The following TMEM17 variants were observed in gnomAD, a reference collection of about 807,000 sequenced individuals.
TMEM17 encodes the protein transmembrane protein 17.
In TMEM17, 15 loss-of-function variants were observed where a neutral mutation model predicts 19.1. The observed-to-expected ratio is 0.78, with a 90% CI of 0.52 to 1.21. The LOEUF (loss-of-function observed/expected upper bound fraction) is 1.21. TMEM17 is among the 50% of genes most tolerant of loss of function. The pLI is 0.00. For synonymous variants in TMEM17, 103 were observed against 86.9 expected, an observed-to-expected ratio of 1.19 and a Z score of -1.03; for missense variants, 245 against 242.3, an observed-to-expected ratio of 1.01 and a Z score of -0.07.
At chr2:62,482,177 T>C in the TMEM17 span, among the ~76,000 whole-genome samples, 3 of 152,322 alleles carry the variant, frequency 2.0e-5, no homozygotes, top group African/African-American at 7.2e-5. Context: ...GTTTCTCTAT[T>C]GGCACAGCCT....
At chr2:62,494,339 T>G in the TMEM17 span, among the ~76,000 whole-genome samples, 4 of 152,178 alleles carry the variant, frequency 2.6e-5, no homozygotes, top group African/African-American at 9.7e-5. Context: ...GAGCAATAGT[T>G]TTTAGGATAG....
At chr2:62,492,289 G>A in the TMEM17 span, among the ~76,000 whole-genome samples, 19 of 152,164 alleles carry the variant, frequency 1.2e-4, no homozygotes, top group Non-Finnish European at 2.8e-4. Context: ...CTTCTCCTGA[G>A]TTTTAGTTTT....
the TMEM17 span, among the ~76,000 whole-genome samples, chr2:62,475,421 T>G: frequency 2.0e-3 from 299 of 152,356 alleles, no homozygotes; most frequent in African/African-American, 6.7e-3. Context: ...CGAGAGTCCC[T>G]GCCCACCCAT....
chr2:62,481,854 C>A, the TMEM17 span, among the ~76,000 whole-genome samples: 1 of 151,932 alleles, frequency 6.6e-6, no homozygotes, highest in Non-Finnish European at 1.5e-5. Flanking sequence ...TTGGCAAGTG[C>A]AGGTGAGAAA....
At chr2:62,503,549 TTTC>T (rs2103733304) in intron 1 of TMEM17, among the ~76,000 whole-genome samples, 1 of 152,380 alleles carries the variant, frequency 6.6e-6, no homozygotes, top group East Asian at 1.9e-4. Flanking sequence ...TGAGCTTCTA[TTTC>T]TTCATCTGTA....
chr2:62,485,610 A>G, the TMEM17 span, among the ~76,000 whole-genome samples: 1 of 152,216 alleles, frequency 6.6e-6, no homozygotes, highest in Non-Finnish European at 1.5e-5. Flanking sequence ...CTTTTAATAT[A>G]AGATACAGGT....
chr2:62,477,754 G>A, the TMEM17 span, among the ~76,000 whole-genome samples: 1 of 152,218 alleles, frequency 6.6e-6, no homozygotes, highest in African/African-American at 2.4e-5. Flanking sequence ...TTCCTGACTT[G>A]ACCCTTGGAA....
chr2:62,473,601 C>T, the TMEM17 span, among the ~76,000 whole-genome samples: 1 of 152,202 alleles, frequency 6.6e-6, no homozygotes, highest in Non-Finnish European at 1.5e-5. Flanking sequence ...ATTGCAGCTT[C>T]CCCAGGCTTC....
chr2:62,494,770 G>A, the TMEM17 span, among the ~76,000 whole-genome samples: 11 of 152,112 alleles, frequency 7.2e-5, no homozygotes, highest in African/African-American at 2.2e-4. Context: ...TGGGGAGGCC[G>A]AGGCGGGCAG....
chr2:62,475,288 C>G, the TMEM17 span, among the ~76,000 whole-genome samples: 1 of 152,248 alleles, frequency 6.6e-6, no homozygotes, highest in Non-Finnish European at 1.5e-5. Context: ...ACCACAGGCA[C>G]TCCACTGTGT....
At chr2:62,469,859 A>G in the TMEM17 span, among the ~76,000 whole-genome samples, 12 of 152,248 alleles carry the variant, frequency 7.9e-5, no homozygotes, top group Admixed American at 5.2e-4. Flanking sequence ...CTGCCTGGGC[A>G]GCCTGGGTCC....
the TMEM17 span, among the ~76,000 whole-genome samples, chr2:62,459,140 T>G: frequency 1.3e-5 from 2 of 152,208 alleles, no homozygotes; most frequent in African/African-American, 4.8e-5. Context: ...GAGGGAGACA[T>G]TTCAGATATG....
intron 1 of TMEM17, among the ~76,000 whole-genome samples, chr2:62,505,655 G>A (rs1412861141): frequency 6.6e-6 from 1 of 152,210 alleles, no homozygotes; most frequent in Non-Finnish European, 1.5e-5. Context: ...AAAACAACTT[G>A]GGCCTTCGCT....
chr2:62,477,865 C>A, the TMEM17 span, among the ~76,000 whole-genome samples: 1 of 152,180 alleles, frequency 6.6e-6, no homozygotes, highest in Non-Finnish European at 1.5e-5. Context: ...CTGTCTCCTA[C>A]CTTGAGGGGC....
At chr2:62,457,870 C>G in the TMEM17 span, among the ~76,000 whole-genome samples, 5 of 152,198 alleles carry the variant, frequency 3.3e-5, no homozygotes, top group African/African-American at 1.2e-4. The surrounding 1 kb of genome is among the most constrained non-coding windows in gnomAD (Gnocchi z 4.2). Context: ...TATTCCACTG[C>G]AAGGGAGCTA....
intron 1 of TMEM17, among the ~76,000 whole-genome samples, chr2:62,505,409 C>T (rs1680039287): frequency 1.3e-5 from 2 of 151,880 alleles, no homozygotes; most frequent in South Asian, 4.1e-4. Context: ...GTTGAACGCC[C>T]GGCTAGTATG....
the TMEM17 span, among the ~76,000 whole-genome samples, chr2:62,484,246 C>T: frequency 2.6e-5 from 4 of 152,202 alleles, no homozygotes; most frequent in South Asian, 2.1e-4. Context: ...CCTATATCTG[C>T]GCTTTCCTGT....
chr2:62,505,985 GCCCTCGGCAGGCCACACC>G, intron 1 of TMEM17, 27 bp downstream of exon 1: 1 of 1,539,422 alleles, frequency 6.5e-7, no homozygotes, highest in Non-Finnish European at 8.9e-7. Context: ...TCCACGCCAA[GCCCTCGGCAGGCCACACC>G]CCCTGCACCG....
the TMEM17 span, among the ~76,000 whole-genome samples, chr2:62,477,955 C>T: frequency 6.6e-6 from 1 of 152,218 alleles, no homozygotes. Context: ...TTCTGCGGGG[C>T]TCCCCTGCCC....
Sources: allele counts gnomAD v4.1 joint callset (sites outside exome capture counted in the v4.1 genomes callset), GRCh38; gene constraint gnomAD v4.1.1; non-coding constraint Gnocchi (gnomAD v3.1); transcripts MANE v1.5; gene names NCBI Gene and HGNC (gene_info 2026-07-23, HGNC 2026-07-21).